Variants in NTNG1 observed in about 807,000 individuals in gnomAD.
NTNG1 encodes netrin-G1.
Under a neutral mutation model 54.0 loss-of-function variants are expected in NTNG1, and 16 were observed. The observed-to-expected ratio is 0.30, with a 90% CI of 0.20 to 0.45. The LOEUF (loss-of-function observed/expected upper bound fraction) is 0.45. Ranked by LOEUF, NTNG1 falls within the 20% of genes least tolerant of loss-of-function variation. The pLI is 1.00. For synonymous variants in NTNG1, 255 were observed against 263.1 expected (o/e 0.97, Z 0.30); for missense variants, 530 against 678.7 (o/e 0.78, Z 2.43).
intron 2 of NTNG1, among the ~76,000 whole-genome samples, chr1:107,152,829 T>A (rs1014230354): frequency 2.6e-5 from 4 of 152,108 alleles, no homozygotes; most frequent in Non-Finnish European, 5.9e-5. Context: ...TACTAAAAAA[T>A]TGGAGAAAAT....
rs763712045 is a variant in NTNG1, at chr1:107,480,606, T to A, written c.1391-5T>A. On this transcript the variant is annotated splice_region_variant and splice_polypyrimidine_tract_variant and intron_variant, in intron 7 of 7. Coordinates refer to ENST00000370068, the MANE Select transcript of NTNG1 (RefSeq NM_001113226.3). ...CCCACCCCTACCTTCCCCCTCATTCTGCAGCGAATGTCTGCGACAACGAGC... is the reference window on the plus strand; with the variant it reads ...CCCACCCCTACCTTCCCCCTCATTCAGCAGCGAATGTCTGCGACAACGAGC... The A allele has an allele frequency of 1.4e-5, 10 of 707,316 alleles. No homozygotes were observed. Among genetic ancestry groups the A allele is most frequent in the Non-Finnish European group, 2.0e-5 (9 of 453,910 alleles). The allele number at this position is 707,316 out of a possible 1,614,324, so 43.8% of individuals were successfully genotyped here.
intron 5 of NTNG1, among the ~76,000 whole-genome samples, chr1:107,413,723 T>G (rs1323863052): frequency 6.6e-6 from 1 of 152,098 alleles, no homozygotes; most frequent in Admixed American, 6.6e-5. Context: ...AAAAAGCAAC[T>G]CATCCACCTC....
At chr1:107,393,519 G>A (rs1210742945) in intron 3 of NTNG1, among the ~76,000 whole-genome samples, 1 of 151,220 alleles carries the variant, frequency 6.6e-6, no homozygotes, top group Admixed American at 6.6e-5. Flanking sequence ...ATTTTCAAAG[G>A]TGACATTTAT....
chr1:107,275,128 G>C (rs1301795855), intron 2 of NTNG1, among the ~76,000 whole-genome samples: 1 of 152,208 alleles, frequency 6.6e-6, no homozygotes, highest in Non-Finnish European at 1.5e-5. Context: ...AGTAATCCCA[G>C]CACTTTGGGA....
intron 4 of NTNG1, among the ~76,000 whole-genome samples, chr1:107,399,765 C>G (rs1411311286): frequency 1.3e-5 from 2 of 152,160 alleles, no homozygotes; most frequent in African/African-American, 4.8e-5. Context: ...GGTCTTGACT[C>G]TGAGGACTGC....
chr1:107,147,291 C>G (rs937628624), intron 1 of NTNG1, among the ~76,000 whole-genome samples: 4 of 152,156 alleles, frequency 2.6e-5, no homozygotes, highest in African/African-American at 9.6e-5. Flanking sequence ...TTAAATTGTG[C>G]GTTTTACTAC....
intron 5 of NTNG1, among the ~76,000 whole-genome samples, chr1:107,429,424 C>G (rs777781485): frequency 6.6e-6 from 1 of 152,046 alleles, no homozygotes; most frequent in Non-Finnish European, 1.5e-5. Context: ...TTTTACTCTA[C>G]TCATCAAAAT....
chr1:107,392,194 A>T (rs1431140701), intron 3 of NTNG1, among the ~76,000 whole-genome samples: 1 of 152,064 alleles, frequency 6.6e-6, no homozygotes, highest in Non-Finnish European at 1.5e-5. Context: ...TTTTGATTAG[A>T]TATTCTTCAT....
intron 2 of NTNG1, among the ~76,000 whole-genome samples, chr1:107,255,362 G>C (rs1662864587): frequency 6.6e-6 from 1 of 152,158 alleles, no homozygotes; most frequent in African/African-American, 2.4e-5. Context: ...GCAGCCAAGA[G>C]CATAGGTATT....
At chr1:107,288,955 A>G (rs1665398523) in intron 2 of NTNG1, among the ~76,000 whole-genome samples, 1 of 152,180 alleles carries the variant, frequency 6.6e-6, no homozygotes, top group Non-Finnish European at 1.5e-5. Context: ...TATACACACA[A>G]GAAACCTCGC....
chr1:107,464,517 T>A (rs1207197407), intron 7 of NTNG1, among the ~76,000 whole-genome samples: 2 of 151,964 alleles, frequency 1.3e-5, no homozygotes, highest in Non-Finnish European at 2.9e-5. Context: ...GAACGAAGGG[T>A]GAATGGGAGC....
chr1:107,300,246 A>C (rs1395536294), intron 2 of NTNG1, among the ~76,000 whole-genome samples: 1 of 152,202 alleles, frequency 6.6e-6, no homozygotes, highest in Non-Finnish European at 1.5e-5. Context: ...TTGCCTATAG[A>C]TGTGGTTGGC....
intron 2 of NTNG1, among the ~76,000 whole-genome samples, chr1:107,150,660 T>C (rs1016870346): frequency 2.0e-5 from 3 of 152,194 alleles, no homozygotes; most frequent in African/African-American, 7.2e-5. Flanking sequence ...AGGTGTGATT[T>C]GTGGGTGCAG....
At chr1:107,197,464 A>G (rs2101249659) in intron 2 of NTNG1, among the ~76,000 whole-genome samples, 1 of 152,126 alleles carries the variant, frequency 6.6e-6, no homozygotes, top group Admixed American at 6.5e-5. Context: ...ATATCTTTGA[A>G]GTTCTGCATA....
chr1:107,357,404 AG>A (rs1669998496), intron 3 of NTNG1, among the ~76,000 whole-genome samples: 1 of 152,246 alleles, frequency 6.6e-6, no homozygotes, highest in Non-Finnish European at 1.5e-5. Flanking sequence ...CATATTTTCT[AG>A]ATACTTTGAT....
intron 4 of NTNG1, among the ~76,000 whole-genome samples, chr1:107,402,174 T>A (rs1673082168): frequency 6.6e-6 from 1 of 152,172 alleles, no homozygotes; most frequent in Admixed American, 6.5e-5. Context: ...TTATCTTTCC[T>A]GTAATTAAGT....
At chr1:107,216,526 A>G (rs1316346886) in intron 2 of NTNG1, among the ~76,000 whole-genome samples, 4 of 152,112 alleles carry the variant, frequency 2.6e-5, no homozygotes, top group Admixed American at 2.6e-4. Flanking sequence ...TATCTTTTCA[A>G]TATGCTTTTG....
At chr1:107,406,677 G>A (rs1673445665) in intron 4 of NTNG1, among the ~76,000 whole-genome samples, 1 of 152,102 alleles carries the variant, frequency 6.6e-6, no homozygotes, top group Non-Finnish European at 1.5e-5. Context: ...TGGTGAATGA[G>A]CTATAACAAT....
chr1:107,356,862 G>A (rs1669963191), intron 3 of NTNG1, among the ~76,000 whole-genome samples: 1 of 152,042 alleles, frequency 6.6e-6, no homozygotes, highest in Non-Finnish European at 1.5e-5. Context: ...AGTTAGCCGG[G>A]CATGTTGGCG....
Sources: gnomAD v4.1 joint callset for allele counts (sites outside exome capture counted in the v4.1 genomes callset) on GRCh38, gnomAD v4.1.1 for gene constraint, MANE v1.5 for transcripts, NCBI Gene and HGNC (gene_info 2026-07-23, HGNC 2026-07-21) for gene names.